Variants in ATP2B2 observed in about 807,000 individuals in gnomAD.
ATP2B2 encodes the protein plasma membrane calcium-transporting ATPase 2.
Under a neutral mutation model 120.0 loss-of-function variants are expected in ATP2B2, and 15 were observed. The observed-to-expected ratio is 0.12, with a 90% confidence interval of 0.08 to 0.19. The LOEUF is 0.19. Among genes scored for constraint, ATP2B2 ranks in the 10% least tolerant of loss-of-function variants. The pLI is 1.00. For missense variants in ATP2B2, 1,045 were observed against 1,719.8 expected, an observed-to-expected ratio of 0.61 and a Z score of 6.94; for synonymous variants, 694 against 700.3, an observed-to-expected ratio of 0.99 and a Z score of 0.14.
chr3:10,410,505 T>G, intron 3 of ATP2B2, 113 bp downstream of exon 3: 1 of 1,363,410 alleles, frequency 7.3e-7, no homozygotes, highest in Non-Finnish European at 1.0e-6. Flanking sequence ...CCCTTGGACC[T>G]CGGTTTCTTC....
intron 1 of ATP2B2, among the ~76,000 whole-genome samples, chr3:10,478,680 T>C (rs2065291020): frequency 6.6e-6 from 1 of 152,210 alleles, no homozygotes; most frequent in African/African-American, 2.4e-5. Context: ...ATCAAAGTCC[T>C]ATTCATTTTC....
intron 2 of ATP2B2, among the ~76,000 whole-genome samples, chr3:10,575,285 G>C (rs2068219172): frequency 6.6e-6 from 1 of 152,132 alleles, no homozygotes; most frequent in Non-Finnish European, 1.5e-5. Flanking sequence ...GAGCCTGAGG[G>C]CCCTATATGT....
intron 3 of ATP2B2, among the ~76,000 whole-genome samples, chr3:10,512,462 G>GCGCA (rs1553623895): frequency 1.8e-5 from 1 of 55,834 alleles, no homozygotes; most frequent in Non-Finnish European, 2.9e-5. Context: ...TAAAGTGTGT[G>GCGCA]CGCACACACA....
intron 2 of ATP2B2, among the ~76,000 whole-genome samples, chr3:10,535,385 ATGTGTGTGTG>A (rs34707434): frequency 1.1e-4 from 16 of 147,064 alleles, no homozygotes; most frequent in African/African-American, 2.0e-4. Context: ...CAGCAGTTTG[ATGTGTGTGTG>A]TGTGTGTGTG....
intron 2 of ATP2B2, among the ~76,000 whole-genome samples, chr3:10,602,436 T>C (rs756445336): frequency 3.9e-5 from 6 of 152,178 alleles, no homozygotes; most frequent in Non-Finnish European, 7.3e-5. Context: ...CCTTTCATTC[T>C]TGGGAGGTTG....
chr3:10,492,952 C>T (rs544777477), intron 1 of ATP2B2, among the ~76,000 whole-genome samples: 84 of 152,190 alleles, frequency 5.5e-4, no homozygotes, highest in Non-Finnish European at 9.7e-4. Context: ...CTACCTCCCT[C>T]GAGAGAAGGG....
At chr3:10,341,015 ACCT>A (rs915329834) in intron 19 of ATP2B2, among the ~76,000 whole-genome samples, 1 of 152,218 alleles carries the variant, frequency 6.6e-6, no homozygotes, top group Admixed American at 6.5e-5. Flanking sequence ...CTAAAAAGTG[ACCT>A]CAGACTGGAA....
intron 2 of ATP2B2, among the ~76,000 whole-genome samples, chr3:10,594,843 G>A (rs999329342): frequency 2.0e-5 from 3 of 152,082 alleles, no homozygotes; most frequent in African/African-American, 7.2e-5. Flanking sequence ...AAAGAAAGAG[G>A]TATCATCACC....
chr3:10,418,252 C>G (rs749720060), intron 2 of ATP2B2, among the ~76,000 whole-genome samples: 22 of 152,120 alleles, frequency 1.4e-4, no homozygotes, highest in Non-Finnish European at 2.5e-4. Context: ...CATTTAAAGT[C>G]ATTTTGTATG....
At chr3:10,366,333 G>T (rs2061056794) in intron 12 of ATP2B2, among the ~76,000 whole-genome samples, 1 of 152,138 alleles carries the variant, frequency 6.6e-6, no homozygotes. Context: ...CCCTTCTGGG[G>T]TTATTGGCCT....
At chr3:10,671,607 G>A (rs186999923) in intron 1 of ATP2B2, among the ~76,000 whole-genome samples, 2 of 152,288 alleles carry the variant, frequency 1.3e-5, no homozygotes, top group East Asian at 1.9e-4. Flanking sequence ...CTGCAGGTCA[G>A]AGGCCTGCAC....
chr3:10,643,237 G>A (rs1441676403), intron 1 of ATP2B2, among the ~76,000 whole-genome samples: 1 of 152,166 alleles, frequency 6.6e-6, no homozygotes, highest in African/African-American at 2.4e-5. Flanking sequence ...GAATTCATGA[G>A]TTCACATAGA....
chr3:10,480,252 C>T (rs554178852), intron 1 of ATP2B2, among the ~76,000 whole-genome samples: 2 of 152,280 alleles, frequency 1.3e-5, no homozygotes, highest in South Asian at 4.1e-4. Flanking sequence ...AATCAGTTTC[C>T]TCATCAGTAA....
At chr3:10,622,460 C>T (rs1183339116) in intron 1 of ATP2B2, among the ~76,000 whole-genome samples, 2 of 152,004 alleles carry the variant, frequency 1.3e-5, no homozygotes, top group Admixed American at 6.5e-5. Flanking sequence ...AAGGTGAAGG[C>T]CTGGGATGGA....
chr3:10,652,595 C>A (rs2070495073), intron 1 of ATP2B2, among the ~76,000 whole-genome samples: 1 of 152,168 alleles, frequency 6.6e-6, no homozygotes, highest in African/African-American at 2.4e-5. Flanking sequence ...ATACAGCAAT[C>A]CCATTCCTGA....
chr3:10,579,382 A>C lies in ATP2B2; in HGVS notation c.-415+40535T>G, dbSNP rs531758990. Among the ~76,000 whole-genome samples the C allele has an allele frequency of 2.6e-5, 4 of 152,352 alleles. No individual in the cohort carries two copies. The East Asian group carries it at 7.7e-4, about 29-fold the overall frequency. Reference sequence around the variant, plus strand: ...GCAGCTGCCCTTCACTTAGAAACAGACTGAGAAGGGCCCAGTGCGGTGGCT... The same window carrying C: ...GCAGCTGCCCTTCACTTAGAAACAGCCTGAGAAGGGCCCAGTGCGGTGGCT... On this transcript the variant is annotated intron_variant, in intron 2 of 21. Transcript: ENST00000646379.
At chr3:10,625,735 C>A (rs779201979) in intron 1 of ATP2B2, among the ~76,000 whole-genome samples, 80 of 152,068 alleles carry the variant, frequency 5.3e-4, no homozygotes, top group Non-Finnish European at 9.4e-4. Flanking sequence ...CAGCAGGGAC[C>A]CCCTCCCATT....
intron 2 of ATP2B2, among the ~76,000 whole-genome samples, chr3:10,417,069 C>CG (rs1227824259): frequency 0.012 from 1,107 of 93,338 alleles, 76 homozygotes; most frequent in African/African-American, 0.052. Flanking sequence ...CAGACGGCGG[C>CG]GGGGGGGGGC....
intron 3 of ATP2B2, among the ~76,000 whole-genome samples, chr3:10,525,860 C>T (rs2067080677): frequency 6.6e-6 from 1 of 152,150 alleles, no homozygotes. Flanking sequence ...CCACAGTCCC[C>T]AGGACTCCCT....
Sources: allele counts gnomAD v4.1 joint callset (sites outside exome capture counted in the v4.1 genomes callset), GRCh38; gene constraint gnomAD v4.1.1; transcripts MANE v1.5; gene names NCBI Gene and HGNC (gene_info 2026-07-23, HGNC 2026-07-21).